Variants in SH3PXD2B observed in about 807,000 individuals in gnomAD.
SH3PXD2B encodes SH3 and PX domains 2B, also known as SH3 and PX domain-containing protein 2B.
Under a neutral mutation model 73.1 loss-of-function variants are expected in SH3PXD2B, and 37 were observed. The observed-to-expected ratio is 0.51, with a 90% CI of 0.39 to 0.67. The LOEUF is 0.67. SH3PXD2B is among the 30% of genes least tolerant of loss of function. The pLI is 0.00. For synonymous variants in SH3PXD2B, 457 were observed against 480.5 expected, an observed-to-expected ratio of 0.95 and a Z score of 0.64; for missense variants, 1,053 against 1,197.8, an observed-to-expected ratio of 0.88 and a Z score of 1.78.
Position 172,337,811 on chromosome 5 carries a change from T to TG in SH3PXD2B, c.*557dup. On this transcript the variant is annotated 3_prime_UTR_variant, in exon 13 of 13. Coordinates refer to ENST00000311601, the MANE Select transcript of SH3PXD2B (RefSeq NM_001017995.3). Reference sequence around the variant, plus strand: ...TCAGAGGCCCACGGGCCTGAGGCTTTGGGGAAGGGGACACTTTCCCTGGAA... The same window carrying TG: ...TCAGAGGCCCACGGGCCTGAGGCTTTGGGGGAAGGGGACACTTTCCCTGGAA... The TG allele has an allele frequency of 1.0e-6, 1 of 999,360 alleles. No individual in the cohort carries two copies. 61.9% of individuals were successfully genotyped at this position (999,360 alleles called of 1,614,324 possible). A position where few individuals can be genotyped will look rare whatever the true frequency, so the allele number is the denominator to read the frequency against.
intron 4 of SH3PXD2B, among the ~76,000 whole-genome samples, chr5:172,388,526 A>C (rs1449967311): frequency 6.6e-6 from 1 of 152,256 alleles, no homozygotes; most frequent in Non-Finnish European, 1.5e-5. Flanking sequence ...TAACATAAGC[A>C]GTTCCCTCCC....
rs1756749435 is a variant in SH3PXD2B, at chr5:172,338,222, C to T, written c.*147G>A. The T allele has an allele frequency of 4.5e-6, 7 of 1,542,052 alleles. No individual in the cohort carries two copies. The highest frequency in any genetic ancestry group is 6.1e-6 in the Non-Finnish European group (7 of 1,145,510). ...GCGCCCGAGGTGTCCGAAACTCACT[C>T]TCCACCCATGGGAGGCAAGAAGTCA... On this transcript the variant is annotated 3_prime_UTR_variant, in exon 13 of 13. Coordinates refer to ENST00000311601, the MANE Select transcript of SH3PXD2B (RefSeq NM_001017995.3). The surrounding 1 kb of genome is among the most constrained non-coding windows in gnomAD (Gnocchi z 5.1).
At chr5:172,348,647 TATC>T (rs747400125) in intron 10 of SH3PXD2B, among the ~76,000 whole-genome samples, 20 of 49,584 alleles carry the variant, frequency 4.0e-4, no homozygotes, top group African/African-American at 1.4e-3. Context: ...TGTATCTATC[TATC>T]TATCCTATCT....
intron 3 of SH3PXD2B, among the ~76,000 whole-genome samples, chr5:172,402,724 T>C (rs1758449062): frequency 6.6e-6 from 1 of 152,244 alleles, no homozygotes; most frequent in South Asian, 2.1e-4. Context: ...CTCAGTCTCC[T>C]CATCTGTGAA....
chr5:172,441,379 C>A (rs1047980759), intron 1 of SH3PXD2B, among the ~76,000 whole-genome samples: 1 of 152,206 alleles, frequency 6.6e-6, no homozygotes, highest in Non-Finnish European at 1.5e-5. Context: ...GCCAGCAGGG[C>A]GTTATCACAT....
At chr5:172,375,174 A>G (rs537866237) in intron 5 of SH3PXD2B, among the ~76,000 whole-genome samples, 1 of 152,344 alleles carries the variant, frequency 6.6e-6, no homozygotes, top group South Asian at 2.1e-4. Context: ...AGCCTGGCCA[A>G]CATGGCAAAA....
intron 1 of SH3PXD2B, among the ~76,000 whole-genome samples, chr5:172,422,872 C>T (rs912112026): frequency 1.3e-4 from 20 of 152,216 alleles, no homozygotes; most frequent in Non-Finnish European, 2.6e-4. Context: ...GGAGAAGTCA[C>T]GGAGACGTGC....
intron 12 of SH3PXD2B, among the ~76,000 whole-genome samples, chr5:172,341,708 T>C (rs1476517346): frequency 1.3e-5 from 2 of 152,224 alleles, no homozygotes; most frequent in African/African-American, 4.8e-5. Context: ...TGGAGTGCAG[T>C]GGCACTATCT....
At position 172,339,112 on chromosome 5, in the gene SH3PXD2B, T is replaced by G. The variant is rs779604984; in HGVS notation, c.1993A>C (p.Asn665His). The change falls in exon 13 of 13, where the codon AAC (asparagine) becomes CAC (histidine). Residue 665 changes from asparagine (N) to histidine (H), a missense_variant. Physicochemically the swap from Asn to His is moderately conservative, Grantham distance 68. Transcript: ENST00000311601. This position sits in a 1 kb window ranked among gnomAD's most constrained non-coding sequence, Gnocchi z 6.1. Reference sequence around the variant, plus strand: ...GCAGGCCTGAGCTTACTCCTGAGGTTGCAGATGTCGACTTGGTCTTCGCCC... The same window carrying G: ...GCAGGCCTGAGCTTACTCCTGAGGTGGCAGATGTCGACTTGGTCTTCGCCC... Reference protein sequence around the residue: ...PQGEDQVDICNLRSKLRPAKS... With the variant: ...PQGEDQVDICHLRSKLRPAKS... 4 of 1,614,118 alleles carry G rather than the reference T, an allele frequency of 2.5e-6. No homozygotes were observed. In the South Asian group the frequency reaches 4.4e-5, roughly 18 times the overall value.
At chr5:172,411,948 A>G (rs1758710505) in intron 2 of SH3PXD2B, among the ~76,000 whole-genome samples, 1 of 151,878 alleles carries the variant, frequency 6.6e-6, no homozygotes. Context: ...ATCATCCAAA[A>G]CTGAAACTGT....
rs1363095804 is a variant in SH3PXD2B at position 172,439,266 on chromosome 5, AAAACAAAAACAAAACAAAAAAAAAACC to A, written c.75+14985_75+15011del. 2.7e-3 allele frequency among the ~76,000 whole-genome samples: 180 copies of A among 65,656 alleles called. 3 individuals are homozygous for A. Among genetic ancestry groups the A allele is most frequent in the African/African-American group, 0.01 (172 of 16,486 alleles). The allele number at this position is 65,656 out of a possible 152,430, so 43.1% of individuals were successfully genotyped here. Reference sequence around the variant, plus strand: ...AAAAAAAAAAGAAAAAAAAAAAACAAAAACAAAAACAAAACAAAAAAAAAACCCCAAAAAAAAACCACAGGCATCGGC... The same window carrying A: ...AAAAAAAAAAGAAAAAAAAAAAACAACCAAAAAAAAACCACAGGCATCGGC... On this transcript the variant is annotated intron_variant, in intron 1 of 12. Coordinates refer to ENST00000311601, the MANE Select transcript of SH3PXD2B (RefSeq NM_001017995.3).
chr5:172,422,597 G>T, intron 1 of SH3PXD2B, 101 bp from the exon 2 acceptor site: 2 of 1,135,110 alleles, frequency 1.8e-6, no homozygotes, highest in Middle Eastern at 2.4e-4. Flanking sequence ...AAAGACGTGG[G>T]TTTCAGCCTT....
chr5:172,347,828 G>A (rs969171345), intron 10 of SH3PXD2B, among the ~76,000 whole-genome samples: 1 of 152,156 alleles, frequency 6.6e-6, no homozygotes, highest in Non-Finnish European at 1.5e-5. Context: ...AATGTTATCT[G>A]CACCTGGTTT....
chr5:172,444,548 G>T (rs972952533), intron 1 of SH3PXD2B, among the ~76,000 whole-genome samples: 1 of 152,176 alleles, frequency 6.6e-6, no homozygotes, highest in Non-Finnish European at 1.5e-5. Flanking sequence ...ATACTGTTAA[G>T]AATAAAAAAT....
chr5:172,383,160 TA>T (rs1419698045), intron 4 of SH3PXD2B, among the ~76,000 whole-genome samples: 1 of 152,206 alleles, frequency 6.6e-6, no homozygotes, highest in African/African-American at 2.4e-5. Context: ...TGCTCACATA[TA>T]TGTCTTAACT....
chr5:172,333,839 G>A lies in SH3PXD2B; in HGVS notation c.*4530C>T, dbSNP rs1348311513. ...AGCAGGAAATGTGGGTTGTAATCAA[G>A]GTGGCCACAGTTTATCATCACCCCT... On this transcript the variant is annotated 3_prime_UTR_variant, in exon 13 of 13. Transcript: ENST00000311601. The A allele has an allele frequency of 1.6e-6, 2 of 1,287,132 alleles. No individual in the cohort carries two copies. The highest frequency in any genetic ancestry group is 2.0e-6 in the Non-Finnish European group (2 of 988,292). 79.7% of individuals were successfully genotyped at this position (1,287,132 alleles called of 1,614,324 possible). A position where few individuals can be genotyped will look rare whatever the true frequency, so the allele number is the denominator to read the frequency against.
intron 1 of SH3PXD2B, among the ~76,000 whole-genome samples, chr5:172,434,781 G>GGTTTTTGTTTTTTT (rs1390790893): frequency 0.018 from 1,444 of 81,428 alleles, 46 homozygotes; most frequent in African/African-American, 0.057. Context: ...AATGGCCAAT[G>GGTTTTTGTTTTTTT]GTTTTTTTTT....
At chr5:172,447,863 G>A (rs1000926978) in intron 1 of SH3PXD2B, among the ~76,000 whole-genome samples, 1 of 152,174 alleles carries the variant, frequency 6.6e-6, no homozygotes, top group South Asian at 2.1e-4. Context: ...TGAGCTGAGG[G>A]GCTGGTGCAT....
chr5:172,453,967 CAGA>C, intron 1 of SH3PXD2B, among the ~76,000 whole-genome samples: 1 of 151,938 alleles, frequency 6.6e-6, no homozygotes, highest in Non-Finnish European at 1.5e-5. Flanking sequence ...GACTTTTCCA[CAGA>C]TGAGCAGGAC....
Sources: allele counts gnomAD v4.1 joint callset (sites outside exome capture counted in the v4.1 genomes callset), GRCh38; gene constraint gnomAD v4.1.1; non-coding constraint Gnocchi (gnomAD v3.1); transcripts MANE v1.5; gene names NCBI Gene and HGNC (gene_info 2026-07-23, HGNC 2026-07-21).